The following AUTS2 variants were observed in gnomAD, a reference collection of about 807,000 sequenced individuals.
The protein encoded by AUTS2 is autism susceptibility gene 2 protein.
AUTS2 carries 17 observed loss-of-function variants against 112.4 expected under a neutral mutation model. The ratio of observed to expected loss-of-function variants is 0.15; its 90% CI spans 0.10 to 0.23. The LOEUF is 0.23. Ranked by LOEUF, AUTS2 falls within the 10% of genes least tolerant of loss-of-function variation. The pLI, the probability that AUTS2 is intolerant of heterozygous loss-of-function variation, is 1.00. For synonymous variants in AUTS2, 751 were observed against 702.7 expected, an observed-to-expected ratio of 1.07 and a Z score of -1.09; for missense variants, 1,510 against 1,701.6, an observed-to-expected ratio of 0.89 and a Z score of 1.98.
chr7:70,489,324 C>CT (rs1192575091), intron 5 of AUTS2, among the ~76,000 whole-genome samples: 6 of 152,236 alleles, frequency 3.9e-5, no homozygotes, highest in Non-Finnish European at 7.3e-5. Context: ...GGGCAACTGA[C>CT]TTTTTCCCAT....
At chr7:69,778,558 T>G (rs570305249) in intron 1 of AUTS2, among the ~76,000 whole-genome samples, 1 of 152,136 alleles carries the variant, frequency 6.6e-6, no homozygotes, top group South Asian at 2.1e-4. Flanking sequence ...CCACAGAACT[T>G]TGGATTCAGA....
At chr7:69,849,810 G>C (rs1792378226) in intron 1 of AUTS2, among the ~76,000 whole-genome samples, 1 of 152,026 alleles carries the variant, frequency 6.6e-6, no homozygotes, top group Admixed American at 6.6e-5. Flanking sequence ...CCATGGTGTG[G>C]ACACATCAGA....
At chr7:70,070,006 C>A (rs1802680460) in intron 2 of AUTS2, among the ~76,000 whole-genome samples, 1 of 152,028 alleles carries the variant, frequency 6.6e-6, no homozygotes, top group Admixed American at 6.6e-5. Context: ...AATCATAAAT[C>A]TCTCTATTTT....
At chr7:69,625,764 A>G (rs1345769903) in intron 1 of AUTS2, among the ~76,000 whole-genome samples, 2 of 152,096 alleles carry the variant, frequency 1.3e-5, no homozygotes, top group African/African-American at 4.8e-5. Flanking sequence ...AGGCTGAGGC[A>G]GTAGGATCAC....
Position 69,599,579 on chromosome 7 carries a change from G to T in AUTS2, c.-75G>T, listed in dbSNP as rs1227168849. On this transcript the variant is annotated 5_prime_UTR_variant, in exon 1 of 19. Coordinates refer to ENST00000342771, the MANE Select transcript of AUTS2 (RefSeq NM_015570.4). This position sits in a 1 kb window ranked among gnomAD's most constrained non-coding sequence, Gnocchi z 7.0. ...GCCGTGAAGGGGGAGGGAGGGCTCG[G>T]TGTCAATTTTTTTTTGTGTGGCTGC... The T allele has an allele frequency of 3.3e-6, 4 of 1,228,062 alleles. No homozygotes were observed. Among genetic ancestry groups the T allele is most frequent in the Non-Finnish European group, 4.1e-6 (4 of 983,388 alleles). The allele number at this position is 1,228,062 out of a possible 1,614,324, so 76.1% of individuals were successfully genotyped here.
At chr7:70,128,169 T>G (rs746574015) in intron 3 of AUTS2, among the ~76,000 whole-genome samples, 14 of 152,234 alleles carry the variant, frequency 9.2e-5, no homozygotes, top group Non-Finnish European at 1.9e-4. Context: ...AACAGTTTGC[T>G]TATGCCTTTT....
intron 1 of AUTS2, among the ~76,000 whole-genome samples, chr7:69,632,877 T>G (rs1347581386): frequency 6.6e-6 from 1 of 152,166 alleles, no homozygotes; most frequent in Non-Finnish European, 1.5e-5. Context: ...TTTCATTGTG[T>G]ATTTGTAAGA....
chr7:69,974,581 G>A (rs561665140), intron 2 of AUTS2, among the ~76,000 whole-genome samples: 1 of 152,162 alleles, frequency 6.6e-6, no homozygotes, highest in Admixed American at 6.5e-5. Flanking sequence ...AAGGGCTGAT[G>A]TTCCATCTCC....
intron 1 of AUTS2, among the ~76,000 whole-genome samples, chr7:69,701,107 T>C (rs1157641221): frequency 2.0e-5 from 3 of 152,150 alleles, no homozygotes; most frequent in African/African-American, 7.2e-5. Flanking sequence ...TGTACCTCAC[T>C]CTCTCCCTGT....
At chr7:70,737,720 C>A (rs553562493) in intron 6 of AUTS2, among the ~76,000 whole-genome samples, 1 of 152,230 alleles carries the variant, frequency 6.6e-6, no homozygotes, top group South Asian at 2.1e-4. Flanking sequence ...AGAGAGTACA[C>A]AGGATATTGA....
At chr7:70,730,650 A>G (rs1043419495) in intron 6 of AUTS2, among the ~76,000 whole-genome samples, 3 of 151,724 alleles carry the variant, frequency 2.0e-5, no homozygotes, top group Admixed American at 6.6e-5. Flanking sequence ...TTATTGATTC[A>G]TCAGTTGACG....
At chr7:70,453,569 A>G (rs1268576034) in intron 5 of AUTS2, among the ~76,000 whole-genome samples, 1 of 152,252 alleles carries the variant, frequency 6.6e-6, no homozygotes, top group Non-Finnish European at 1.5e-5. Context: ...GTTAAGCATC[A>G]GTTTCACTGG....
chr7:69,863,639 G>A (rs924393032), intron 1 of AUTS2, among the ~76,000 whole-genome samples: 2 of 152,172 alleles, frequency 1.3e-5, no homozygotes, highest in Non-Finnish European at 2.9e-5. Context: ...TAATTATTCT[G>A]AATCTATGTG....
At chr7:70,727,495 A>G (rs558832646) in intron 6 of AUTS2, among the ~76,000 whole-genome samples, 4 of 152,084 alleles carry the variant, frequency 2.6e-5, no homozygotes, top group African/African-American at 9.7e-5. Context: ...GATTACAGGC[A>G]TGCATCACCA....
At chr7:70,515,313 A>C (rs1275363200) in intron 5 of AUTS2, among the ~76,000 whole-genome samples, 1 of 152,214 alleles carries the variant, frequency 6.6e-6, no homozygotes, top group Non-Finnish European at 1.5e-5. Context: ...AGGCTTTTGC[A>C]AGAATCCAGG....
chr7:69,956,830 T>C (rs574915543), intron 2 of AUTS2, among the ~76,000 whole-genome samples: 1 of 152,206 alleles, frequency 6.6e-6, no homozygotes, highest in Admixed American at 6.6e-5. Flanking sequence ...GTAGGTTATA[T>C]TATTTACTTT....
chr7:69,772,080 C>T (rs995904077), intron 1 of AUTS2, among the ~76,000 whole-genome samples: 2 of 151,340 alleles, frequency 1.3e-5, no homozygotes, highest in African/African-American at 2.4e-5. Context: ...CCACCCCACC[C>T]GGCCCGTGAC....
At chr7:70,467,448 A>G (rs1797210144) in intron 5 of AUTS2, among the ~76,000 whole-genome samples, 1 of 152,252 alleles carries the variant, frequency 6.6e-6, no homozygotes, top group South Asian at 2.1e-4. Context: ...AATCTGACCC[A>G]GCAGGCAGAG....
At chr7:70,528,279 TA>T (rs1239526329) in intron 5 of AUTS2, among the ~76,000 whole-genome samples, 5 of 143,386 alleles carry the variant, frequency 3.5e-5, no homozygotes, top group Non-Finnish European at 3.1e-5. Context: ...GAGAGAGAAA[TA>T]AAAAAAAATA....
Sources: gnomAD v4.1 joint callset for allele counts (sites outside exome capture counted in the v4.1 genomes callset) on GRCh38, gnomAD v4.1.1 for gene constraint, Gnocchi (gnomAD v3.1) non-coding constraint, MANE v1.5 for transcripts, NCBI Gene and HGNC (gene_info 2026-07-23, HGNC 2026-07-21) for gene names.